KIAA1328: variants seen among roughly 807,000 people sequenced by gnomAD.
KIAA1328 encodes the protein KIAA1328.
KIAA1328 carries 52 observed loss-of-function variants against 68.1 expected under a neutral mutation model. The ratio of observed to expected loss-of-function variants is 0.76; its 90% CI spans 0.61 to 0.96. The LOEUF (loss-of-function observed/expected upper bound fraction) is 0.96. Ranked by LOEUF, KIAA1328 falls within the 40% of genes least tolerant of loss-of-function variation. The probability of loss-of-function intolerance (pLI) is 0.00; values close to 1 mark genes in which losing one functional copy is unlikely to be tolerated. For synonymous variants in KIAA1328, 232 were observed against 239.4 expected, an observed-to-expected ratio of 0.97 and a Z score of 0.28; for missense variants, 641 against 677.6, an observed-to-expected ratio of 0.95 and a Z score of 0.60.
At chr18:36,906,093 A>G (rs1352071731) in intron 5 of KIAA1328, among the ~76,000 whole-genome samples, 1 of 152,132 alleles carries the variant, frequency 6.6e-6, no homozygotes, top group Non-Finnish European at 1.5e-5. Context: ...TTTAAAGTTA[A>G]CTTAGGTCAA....
chr18:37,118,008 CTT>C (rs112710292), intron 7 of KIAA1328, among the ~76,000 whole-genome samples: 5 of 141,634 alleles, frequency 3.5e-5, no homozygotes, highest in Non-Finnish European at 4.6e-5. Context: ...TGCTTTCTTT[CTT>C]TTTTTTTTTT....
chr18:37,201,428 G>T (rs943922045), intron 9 of KIAA1328, among the ~76,000 whole-genome samples: 1 of 151,920 alleles, frequency 6.6e-6, no homozygotes. Flanking sequence ...ATAAAAGCAG[G>T]GCTGGAATCT....
chr18:37,101,037 T>C (rs1359190175), intron 7 of KIAA1328, among the ~76,000 whole-genome samples: 1 of 152,048 alleles, frequency 6.6e-6, no homozygotes, highest in East Asian at 1.9e-4. Context: ...CATCATCAAA[T>C]ACCAAAGGTA....
chr18:37,113,208 A>C (rs892594966), intron 7 of KIAA1328, among the ~76,000 whole-genome samples: 1 of 152,212 alleles, frequency 6.6e-6, no homozygotes, highest in Non-Finnish European at 1.5e-5. Flanking sequence ...CATAATTGTC[A>C]GATTCACCAA....
chr18:37,127,805 G>C (rs2058429223), intron 7 of KIAA1328, among the ~76,000 whole-genome samples: 1 of 152,086 alleles, frequency 6.6e-6, no homozygotes, highest in African/African-American at 2.4e-5. Flanking sequence ...CACACTACAT[G>C]ATTTCAAGAC....
At chr18:37,097,430 T>C (rs1350410511) in intron 7 of KIAA1328, among the ~76,000 whole-genome samples, 5 of 152,234 alleles carry the variant, frequency 3.3e-5, no homozygotes, top group African/African-American at 1.2e-4. Flanking sequence ...TCCATTGATC[T>C]ATATCTCTGT....
At chr18:37,161,565 T>G (rs1237174088) in intron 8 of KIAA1328, among the ~76,000 whole-genome samples, 1 of 152,190 alleles carries the variant, frequency 6.6e-6, no homozygotes. Flanking sequence ...CTTCCAAAAA[T>G]AAAAATTAAA....
intron 7 of KIAA1328, among the ~76,000 whole-genome samples, chr18:37,120,332 A>G (rs1193703060): frequency 6.6e-6 from 1 of 152,198 alleles, no homozygotes; most frequent in Non-Finnish European, 1.5e-5. Context: ...GCATGAGAAC[A>G]GTAATGTCAG....
chr18:36,891,666 T>G (rs1180327846), intron 5 of KIAA1328, among the ~76,000 whole-genome samples: 2 of 152,224 alleles, frequency 1.3e-5, no homozygotes, highest in Non-Finnish European at 2.9e-5. Flanking sequence ...CTTAGTAGTA[T>G]TCCATTGTGT....
At chr18:37,141,789 G>A (rs767249408) in intron 7 of KIAA1328, among the ~76,000 whole-genome samples, 1 of 152,176 alleles carries the variant, frequency 6.6e-6, no homozygotes, top group African/African-American at 2.4e-5. Context: ...TAATGGATAT[G>A]AAATAGCATC....
At chr18:37,159,270 A>G (rs886692349) in intron 7 of KIAA1328, among the ~76,000 whole-genome samples, 4 of 152,244 alleles carry the variant, frequency 2.6e-5, no homozygotes, top group African/African-American at 7.2e-5. Context: ...ATCCTGGTCA[A>G]AGGCCACCTG....
chr18:37,159,365 A>G (rs1328961611), intron 7 of KIAA1328, among the ~76,000 whole-genome samples: 1 of 152,064 alleles, frequency 6.6e-6, no homozygotes, highest in East Asian at 1.9e-4. Context: ...TAAACGTTTT[A>G]ATTTTAGAAT....
intron 4 of KIAA1328, among the ~76,000 whole-genome samples, chr18:36,883,470 T>C (rs1318974983): frequency 2.0e-5 from 3 of 152,188 alleles, no homozygotes; most frequent in African/African-American, 7.2e-5. Flanking sequence ...TACAAAGGCA[T>C]CTGAGCAGGC....
intron 7 of KIAA1328, chr18:37,084,205 A>T: frequency 2.0e-6 from 3 of 1,526,704 alleles, no homozygotes; most frequent in South Asian, 1.2e-5. Flanking sequence ...CTCAAACTGG[A>T]TATGAATGGC....
intron 4 of KIAA1328, among the ~76,000 whole-genome samples, chr18:36,883,077 G>A (rs1295323675): frequency 2.0e-5 from 3 of 152,104 alleles, no homozygotes; most frequent in East Asian, 3.9e-4. Flanking sequence ...GAAAATAAAT[G>A]TTTCCATATC....
intron 7 of KIAA1328, among the ~76,000 whole-genome samples, chr18:37,155,263 A>G (rs184951686): frequency 7.9e-5 from 12 of 152,114 alleles, no homozygotes; most frequent in African/African-American, 2.9e-4. Context: ...GCCTCCCTCA[A>G]CTCTACCACC....
At chr18:37,115,058 G>A (rs976395414) in intron 7 of KIAA1328, among the ~76,000 whole-genome samples, 1 of 152,180 alleles carries the variant, frequency 6.6e-6, no homozygotes, top group African/African-American at 2.4e-5. Flanking sequence ...GGACCAGACG[G>A]ATTCACAGCC....
chr18:37,027,102 T>C (rs1182095785), intron 6 of KIAA1328, among the ~76,000 whole-genome samples: 1 of 152,092 alleles, frequency 6.6e-6, no homozygotes, highest in East Asian at 1.9e-4. Context: ...AAATCATGAG[T>C]GAACTCCTAT....
intron 5 of KIAA1328, among the ~76,000 whole-genome samples, chr18:36,938,175 A>G (rs1172966242): frequency 1.3e-5 from 2 of 152,206 alleles, no homozygotes; most frequent in African/African-American, 2.4e-5. Context: ...ACGAACTTCC[A>G]TACTGCTTTC....
Sources: allele counts gnomAD v4.1 joint callset (sites outside exome capture counted in the v4.1 genomes callset), GRCh38; gene constraint gnomAD v4.1.1; transcripts MANE v1.5; gene names NCBI Gene and HGNC (gene_info 2026-07-23, HGNC 2026-07-21).